The following PEX5L variants were observed in gnomAD, a reference collection of about 807,000 sequenced individuals.
PEX5L encodes PEX5-related protein.
A neutral mutation model predicts 84.0 loss-of-function variants in PEX5L; 30 were observed. The ratio of observed to expected loss-of-function variants is 0.36; its 90% CI spans 0.27 to 0.48. The LOEUF (loss-of-function observed/expected upper bound fraction) is 0.48, where lower values mean the gene tolerates loss of function less well. PEX5L is among the 20% of genes least tolerant of loss of function. The pLI is 0.99. For synonymous variants in PEX5L, 270 were observed against 283.1 expected (o/e 0.95, Z 0.46); for missense variants, 533 against 754.6 (o/e 0.71, Z 3.44).
intron 8 of PEX5L, among the ~76,000 whole-genome samples, chr3:179,838,396 A>C (rs980152932): frequency 2.6e-5 from 4 of 152,212 alleles, no homozygotes; most frequent in Non-Finnish European, 5.9e-5. Flanking sequence ...TTCAATTTCA[A>C]GAGTATTAAA....
At chr3:179,940,983 A>G (rs954649821) in intron 2 of PEX5L, among the ~76,000 whole-genome samples, 8 of 152,240 alleles carry the variant, frequency 5.3e-5, no homozygotes, top group Non-Finnish European at 1.2e-4. Context: ...GCGTTATGGT[A>G]GGCCAGAGGT....
chr3:179,945,323 G>A (rs61695027), intron 2 of PEX5L, among the ~76,000 whole-genome samples: 7,221 of 152,246 alleles, frequency 0.047, 569 homozygotes, highest in African/African-American at 0.16. Flanking sequence ...CTGAGCTGGT[G>A]TCCCTACTGA....
At chr3:179,999,028 T>C (rs1475436673) in intron 1 of PEX5L, among the ~76,000 whole-genome samples, 1 of 152,178 alleles carries the variant, frequency 6.6e-6, no homozygotes, top group Non-Finnish European at 1.5e-5. Flanking sequence ...GTCTTCCCAG[T>C]GGGCAGAACT....
chr3:179,809,708 A>G, intron 11 of PEX5L, 40 bp from the exon 12 acceptor site: 1 of 1,461,932 alleles, frequency 6.8e-7, no homozygotes, highest in Non-Finnish European at 9.3e-7. Context: ...TTTTTTTTTG[A>G]GCCACAATCT....
intron 1 of PEX5L, among the ~76,000 whole-genome samples, chr3:180,027,818 T>C (rs1791101538): frequency 6.6e-6 from 1 of 152,208 alleles, no homozygotes; most frequent in Non-Finnish European, 1.5e-5. Flanking sequence ...GCTTCTCAGC[T>C]TTTTCTTGTT....
intron 1 of PEX5L, among the ~76,000 whole-genome samples, chr3:179,995,214 ACACT>A (rs1382973951): frequency 6.8e-6 from 1 of 148,130 alleles, no homozygotes; most frequent in African/African-American, 2.5e-5. Context: ...ATATATACAC[ACACT>A]ATCTACATAG....
intron 2 of PEX5L, chr3:179,900,648 A>G: frequency 6.7e-7 from 1 of 1,502,972 alleles, no homozygotes; most frequent in Non-Finnish European, 9.0e-7. Context: ...GGTGCTTTTT[A>G]TTTCTTGCAG....
intron 2 of PEX5L, among the ~76,000 whole-genome samples, chr3:179,950,764 C>T (rs991281970): frequency 2.3e-4 from 35 of 152,132 alleles, no homozygotes; most frequent in African/African-American, 8.5e-4. Flanking sequence ...ACGTAAGTCC[C>T]AAGAGGTCAA....
intron 1 of PEX5L, among the ~76,000 whole-genome samples, chr3:180,034,500 A>C (rs1170238177): frequency 4.6e-5 from 7 of 152,100 alleles, no homozygotes; most frequent in Admixed American, 4.6e-4. Flanking sequence ...TCTTTGGGGG[A>C]AGAGATATGA....
At chr3:179,947,683 T>A (rs941372957) in intron 2 of PEX5L, among the ~76,000 whole-genome samples, 1 of 151,000 alleles carries the variant, frequency 6.6e-6, no homozygotes, top group African/African-American at 2.4e-5. Flanking sequence ...AATAACCATA[T>A]TTTAAATGTA....
In PEX5L at chr3:179,915,039, G is replaced by A. The variant is rs6792127; in HGVS notation, c.94-16793C>T. Among the ~76,000 whole-genome samples, 790 of 152,274 alleles carry A rather than the reference G, an allele frequency of 5.2e-3. 7 individuals are homozygous for A. Among genetic ancestry groups the A allele is most frequent in the African/African-American group, 0.018 (743 of 41,558 alleles). ...ATGCAGCCTTTTTGCTTGTGATTGA[G>A]AATGGAGCCAAGTTTTGCACTCAGA... On this transcript the variant is annotated intron_variant, in intron 2 of 14. Coordinates refer to ENST00000467460, the MANE Select transcript of PEX5L (RefSeq NM_016559.3).
rs139213135 is a variant in PEX5L at position 179,945,193 on chromosome 3, C to A, written c.93+26401G>T. Among the ~76,000 whole-genome samples, 779 of 152,264 alleles carry A rather than the reference C, an allele frequency of 5.1e-3. 8 individuals are homozygous for A. The highest frequency in any genetic ancestry group is 0.018 in the African/African-American group (733 of 41,538). ...ATCTCTAGCAACCAGAAGAAGCTGGCAGAATGGGGATTCTCAGCTTGCTCC... is the reference window on the plus strand; with the variant it reads ...ATCTCTAGCAACCAGAAGAAGCTGGAAGAATGGGGATTCTCAGCTTGCTCC... On this transcript the variant is annotated intron_variant, in intron 2 of 14. Transcript: ENST00000467460.
intron 1 of PEX5L, among the ~76,000 whole-genome samples, chr3:180,012,900 CT>C (rs1304866273): frequency 6.6e-6 from 1 of 151,964 alleles, no homozygotes. Context: ...CTGAATCACA[CT>C]GAAAAAAATC....
At chr3:180,031,512 C>G (rs1302472122) in intron 1 of PEX5L, among the ~76,000 whole-genome samples, 1 of 152,178 alleles carries the variant, frequency 6.6e-6, no homozygotes, top group Non-Finnish European at 1.5e-5. Flanking sequence ...AACTTGGTTA[C>G]TAGTTTTCTC....
intron 1 of PEX5L, among the ~76,000 whole-genome samples, chr3:180,009,590 T>G (rs535668960): frequency 6.6e-6 from 1 of 152,212 alleles, no homozygotes; most frequent in African/African-American, 2.4e-5. Context: ...TTTTTTTGTT[T>G]TTAGAAACAA....
intron 8 of PEX5L, among the ~76,000 whole-genome samples, chr3:179,846,290 C>T (rs1739316034): frequency 6.6e-6 from 1 of 152,162 alleles, no homozygotes; most frequent in South Asian, 2.1e-4. Context: ...ACAATCAAAT[C>T]AGGGTAATTA....
intron 9 of PEX5L, among the ~76,000 whole-genome samples, chr3:179,816,888 G>A (rs78107076): frequency 0.011 from 1,610 of 151,830 alleles, 33 homozygotes; most frequent in African/African-American, 0.037. Context: ...AAAGTTACCT[G>A]TAATGCCACA....
intron 8 of PEX5L, among the ~76,000 whole-genome samples, chr3:179,834,063 C>T (rs1734106220): frequency 6.6e-6 from 1 of 152,126 alleles, no homozygotes; most frequent in African/African-American, 2.4e-5. Context: ...TGGTCTAGAA[C>T]TCCTGGGCTC....
chr3:179,931,010 A>C (rs1286750957), intron 2 of PEX5L, among the ~76,000 whole-genome samples: 3 of 152,234 alleles, frequency 2.0e-5, no homozygotes, highest in Non-Finnish European at 4.4e-5. Context: ...AAGACAGTAC[A>C]TACCTAAGAA....
Sources: gnomAD v4.1 joint callset for allele counts (sites outside exome capture counted in the v4.1 genomes callset) on GRCh38, gnomAD v4.1.1 for gene constraint, MANE v1.5 for transcripts, NCBI Gene and HGNC (gene_info 2026-07-23, HGNC 2026-07-21) for gene names.